Variants in VPS41 observed in about 807,000 individuals in gnomAD.
VPS41 encodes VPS41 subunit of HOPS complex, also known as vacuolar protein sorting-associated protein 41 homolog.
VPS41 carries 85 observed loss-of-function variants against 130.9 expected under a neutral mutation model. The observed-to-expected ratio is 0.65, with a 90% CI of 0.55 to 0.78. VPS41 has a LOEUF of 0.78. VPS41 is among the 30% of genes least tolerant of loss of function. The pLI is 0.00. For synonymous variants in VPS41, 335 were observed against 332.9 expected (o/e 1.01, Z -0.07); for missense variants, 874 against 1,018.7 (o/e 0.86, Z 1.93).
chr7:38,825,469 T>G (rs1785253156), intron 5 of VPS41, among the ~76,000 whole-genome samples: 1 of 152,178 alleles, frequency 6.6e-6, no homozygotes, highest in Non-Finnish European at 1.5e-5. Context: ...CCTCTTTATT[T>G]ATTTTGCCAT....
rs1787332606 is a variant in VPS41, at chr7:38,909,144, C to T, written c.21+10G>A. On this transcript the variant is annotated intron_variant, in intron 1 of 28. Transcript: ENST00000310301. ...TCCCTGTGCCCTCAACTACCACCTG[C>T]ACCCTTTACCTGCTCCTCTGCTTCC... is the stretch of plus-strand genomic sequence containing the variant. The T allele has an allele frequency of 6.2e-7, 1 of 1,614,078 alleles. No individual in the cohort carries two copies. The highest frequency in any genetic ancestry group is 1.1e-5 in the South Asian group (1 of 91,088).
At chr7:38,906,122 T>C (rs1787255548) in intron 1 of VPS41, among the ~76,000 whole-genome samples, 1 of 152,070 alleles carries the variant, frequency 6.6e-6, no homozygotes, top group South Asian at 2.1e-4. Context: ...TATACACTTT[T>C]AGCTTTAAAA....
intron 5 of VPS41, among the ~76,000 whole-genome samples, chr7:38,829,713 C>T (rs1233584069): frequency 2.6e-5 from 4 of 152,140 alleles, no homozygotes; most frequent in South Asian, 2.1e-4. Context: ...AGGAAGTAGG[C>T]GCCAGGTTTT....
intron 23 of VPS41, among the ~76,000 whole-genome samples, chr7:38,745,036 A>G (rs1353895047): frequency 4.6e-5 from 7 of 152,196 alleles, no homozygotes. Context: ...TGAAAAGATG[A>G]CAAGTTTTGT....
At chr7:38,744,109 G>A (rs979402441) in intron 23 of VPS41, among the ~76,000 whole-genome samples, 7 of 152,118 alleles carry the variant, frequency 4.6e-5, no homozygotes, top group Non-Finnish European at 1.0e-4. Flanking sequence ...TCTCTCCCAC[G>A]TTCAGGGGAA....
chr7:38,738,630 A>G (rs1394515334), intron 25 of VPS41, among the ~76,000 whole-genome samples: 2 of 152,248 alleles, frequency 1.3e-5, no homozygotes, highest in African/African-American at 2.4e-5. Context: ...TGGTCAGTTT[A>G]CATAAAAACT....
At chr7:38,884,581 G>A (rs113857743) in intron 2 of VPS41, among the ~76,000 whole-genome samples, 2,518 of 151,974 alleles carry the variant, frequency 0.017, 69 homozygotes, top group African/African-American at 0.056. Flanking sequence ...TCTTGAACTC[G>A]TGACCTCAAG....
intron 15 of VPS41, among the ~76,000 whole-genome samples, chr7:38,766,818 C>T (rs1784054557): frequency 6.6e-6 from 1 of 152,188 alleles, no homozygotes; most frequent in South Asian, 2.1e-4. Flanking sequence ...GACACGTTTG[C>T]TTCCCCTTCT....
At chr7:38,886,468 G>A (rs1426018681) in intron 2 of VPS41, among the ~76,000 whole-genome samples, 1 of 152,218 alleles carries the variant, frequency 6.6e-6, no homozygotes. Flanking sequence ...CCGTTACTGA[G>A]GCTTGAGTAG....
At chr7:38,727,207 CCT>C (rs1283533436) in intron 27 of VPS41, 3 of 355,568 alleles carry the variant, frequency 8.4e-6, no homozygotes, top group African/African-American at 6.4e-5. Context: ...ACTTGCTTAG[CCT>C]CTGTGTCACT....
At chr7:38,877,317 C>T (rs936914824) in intron 2 of VPS41, among the ~76,000 whole-genome samples, 1 of 151,986 alleles carries the variant, frequency 6.6e-6, no homozygotes, top group Non-Finnish European at 1.5e-5. Context: ...TGTGTTACTT[C>T]GCAGACACAG....
intron 22 of VPS41, among the ~76,000 whole-genome samples, chr7:38,748,181 T>A (rs1333053939): frequency 6.6e-6 from 1 of 152,146 alleles, no homozygotes; most frequent in Non-Finnish European, 1.5e-5. Context: ...GTAGGGAAAC[T>A]AAGATTTTTA....
At chr7:38,887,306 A>G (rs1264200497) in intron 2 of VPS41, among the ~76,000 whole-genome samples, 1 of 152,232 alleles carries the variant, frequency 6.6e-6, no homozygotes, top group Non-Finnish European at 1.5e-5. Flanking sequence ...ATGGCTAACT[A>G]GAATAAACAG....
chr7:38,793,819 C>T (rs1784575231), intron 9 of VPS41, among the ~76,000 whole-genome samples: 2 of 152,242 alleles, frequency 1.3e-5, no homozygotes, highest in South Asian at 4.2e-4. Context: ...GCCTTCTCCT[C>T]CTCTCTTCCA....
intron 1 of VPS41, among the ~76,000 whole-genome samples, chr7:38,903,728 G>T (rs1198728372): frequency 6.6e-6 from 1 of 152,112 alleles, no homozygotes; most frequent in African/African-American, 2.4e-5. Flanking sequence ...GTATGTATGT[G>T]ATATCCCTGT....
At chr7:38,835,900 TA>T (rs1785481474) in intron 4 of VPS41, among the ~76,000 whole-genome samples, 1 of 151,920 alleles carries the variant, frequency 6.6e-6, no homozygotes, top group Non-Finnish European at 1.5e-5. Context: ...CTTGTAAATG[TA>T]ATCAATATAC....
intron 15 of VPS41, 75 bp from the exon 16 acceptor site, chr7:38,765,736 T>G (rs1784026783): frequency 1.1e-6 from 1 of 936,524 alleles, no homozygotes; most frequent in Admixed American, 2.5e-5. Flanking sequence ...ACAGAATAAG[T>G]AGACATTTTC....
In VPS41 at chr7:38,795,578, T is replaced by C. The variant is rs919618213; in HGVS notation, c.604A>G (p.Arg202Gly). The C allele has an allele frequency of 3.1e-6, 5 of 1,612,510 alleles. No individual in the cohort carries two copies. The South Asian group carries it at 5.5e-5, about 18-fold the overall frequency. The change falls in exon 9 of 29, where the codon AGA (arginine) becomes GGA (glycine). Residue 202 changes from arginine to glycine, a missense_variant. Transcript: ENST00000310301. ...TCATCCCGGGGCACATTGGTGATTCTTTGCTTTGAGATGATGTCAAAAATC... is the reference window on the plus strand; with the variant it reads ...TCATCCCGGGGCACATTGGTGATTCCTTGCTTTGAGATGATGTCAAAAATC... Reference protein sequence around the residue: ...VKIFDIISKQRITNVPRDDIS... With the variant: ...VKIFDIISKQGITNVPRDDIS...
intron 5 of VPS41, among the ~76,000 whole-genome samples, chr7:38,826,357 A>G (rs1000064173): frequency 6.6e-6 from 1 of 152,244 alleles, no homozygotes. Context: ...GTCTATTAAA[A>G]AAGTCCTGCA....
Sources: gnomAD v4.1 joint callset for allele counts (sites outside exome capture counted in the v4.1 genomes callset) on GRCh38, gnomAD v4.1.1 for gene constraint, MANE v1.5 for transcripts, NCBI Gene and HGNC (gene_info 2026-07-23, HGNC 2026-07-21) for gene names.